Variants in LRCH1 observed in about 807,000 individuals in gnomAD.
The protein encoded by LRCH1 is leucine rich repeats and calponin homology domain containing 1.
Under a neutral mutation model 94.9 loss-of-function variants are expected in LRCH1, and 23 were observed. The observed-to-expected ratio is 0.24, with a 90% CI of 0.17 to 0.34. LRCH1 has a LOEUF of 0.34. Among genes scored for constraint, LRCH1 ranks in the 10% least tolerant of loss-of-function variants. The pLI is 1.00. For synonymous variants in LRCH1, 364 were observed against 354.9 expected, an observed-to-expected ratio of 1.03 and a Z score of -0.29; for missense variants, 790 against 945.9, an observed-to-expected ratio of 0.84 and a Z score of 2.16.
chr13:46,587,194 G>T (rs2050444831), intron 1 of LRCH1, among the ~76,000 whole-genome samples: 1 of 152,176 alleles, frequency 6.6e-6, no homozygotes. Flanking sequence ...ATTTCCATTA[G>T]CCCTGATTCT....
chr13:46,639,039 A>G (rs1052502260), intron 1 of LRCH1, among the ~76,000 whole-genome samples: 4 of 152,236 alleles, frequency 2.6e-5, no homozygotes, highest in African/African-American at 7.2e-5. Context: ...AATCCTGGAA[A>G]AAAACTTTCT....
rs2137884564 is a variant in LRCH1 at position 46,553,549 on chromosome 13, C to T, written c.153C>T (p.Gly51=). ...GCGGGGCGGGTGGTGGCGGCGGTGG[C>T]AGCGGGGGCTTCAACCTGCCCTTGA... is the stretch of plus-strand genomic sequence containing the variant. ...APGGAGGGGG[G]SGGFNLPLNR... Residue 51 remains glycine (G), a synonymous_variant, in exon 1 of 20, where the codon GGC becomes GGT. Coordinates refer to ENST00000389797, the MANE Select transcript of LRCH1 (RefSeq NM_001164211.2). 6.5e-7 allele frequency: 1 copy of T among 1,546,424 alleles called. No homozygotes were observed. The highest frequency in any genetic ancestry group is 8.7e-7 in the Non-Finnish European group (1 of 1,144,590).
rs1871355539 is a variant in LRCH1 at position 46,699,466 on chromosome 13, C to A, written c.1313+63C>A. The A allele has an allele frequency of 3.5e-6, 5 of 1,424,582 alleles. 1 individual carries two copies. Among genetic ancestry groups the A allele is most frequent in the South Asian group, 3.5e-5 (3 of 86,874 alleles). 88.2% of individuals were successfully genotyped at this position (1,424,582 alleles called of 1,614,324 possible). ...CAAATCCACTTTGCAAGCAGTCTGG[C>A]AGTTCTGTTGTGATAGAATTTTGAC... On this transcript the variant is annotated intron_variant, in intron 10 of 19. Transcript: ENST00000389797.
intron 1 of LRCH1, among the ~76,000 whole-genome samples, chr13:46,612,457 C>T (rs1458498352): frequency 1.3e-5 from 2 of 152,232 alleles, no homozygotes. Flanking sequence ...AATGCTGTGC[C>T]ACCTTGCCTA....
rs748667264 is a variant in LRCH1, at chr13:46,657,748, C to T, written c.452+7403C>T. ...TTTGCTATGTTGTCCAGGCTGGTTTCGAGCTCCTGGGCTCAAGTGATCTGC... is the reference window on the plus strand; with the variant it reads ...TTTGCTATGTTGTCCAGGCTGGTTTTGAGCTCCTGGGCTCAAGTGATCTGC... On this transcript the variant is annotated intron_variant, in intron 2 of 19. Transcript: ENST00000389797. Among the ~76,000 whole-genome samples, 17 of 124,778 alleles carry T rather than the reference C, an allele frequency of 1.4e-4. No homozygotes were observed. The South Asian group carries it at 2.1e-3, about 15-fold the overall frequency. 81.9% of individuals were successfully genotyped at this position (124,778 alleles called of 152,430 possible).
At chr13:46,561,501 G>A (rs1219419887) in intron 1 of LRCH1, among the ~76,000 whole-genome samples, 1 of 152,184 alleles carries the variant, frequency 6.6e-6, no homozygotes, top group African/African-American at 2.4e-5. Flanking sequence ...GCTTTTGACA[G>A]CTGACCCCTG....
chr13:46,664,885 C>T (rs1215858480), intron 2 of LRCH1, among the ~76,000 whole-genome samples: 1 of 152,008 alleles, frequency 6.6e-6, no homozygotes, highest in Non-Finnish European at 1.5e-5. Flanking sequence ...GTATTTGAAC[C>T]CAGGTCTTAA....
exon 19 of LRCH1, chr13:46,752,348 G>C (rs1447378124): frequency 6.6e-6 from 1 of 152,262 alleles, no homozygotes; most frequent in Non-Finnish European, 1.5e-5. Context: ...CAAAAGAAAA[G>C]ACACCACCAG....
At chr13:46,751,248 G>C (rs1477767367) in exon 19 of LRCH1, 4 of 151,756 alleles carry the variant, frequency 2.6e-5, no homozygotes, top group Non-Finnish European at 5.9e-5. Flanking sequence ...TATAAATGTT[G>C]AGTTATTTTC....
At chr13:46,561,734 A>G (rs2050132062) in intron 1 of LRCH1, among the ~76,000 whole-genome samples, 1 of 152,002 alleles carries the variant, frequency 6.6e-6, no homozygotes, top group African/African-American at 2.4e-5. Flanking sequence ...GATTGCCTTC[A>G]TTTTGCTTTT....
intron 1 of LRCH1, among the ~76,000 whole-genome samples, chr13:46,602,305 G>GCC (rs2050636595): frequency 6.6e-6 from 1 of 152,208 alleles, no homozygotes; most frequent in South Asian, 2.1e-4. Flanking sequence ...AAATTTAAGT[G>GCC]AGTTTCCTGG....
rs557225410 is a variant in LRCH1, at chr13:46,652,289, G to C, written c.452+1944G>C. ...GGCGGGGTTTCACCATGTTAGCCAG[G>C]ATGGTCTCGATCTCCTGACCTCGTG... On this transcript the variant is annotated intron_variant, in intron 2 of 19. Coordinates refer to ENST00000389797, the MANE Select transcript of LRCH1 (RefSeq NM_001164211.2). Among the ~76,000 whole-genome samples, 231 of 151,982 alleles carry C rather than the reference G, an allele frequency of 1.5e-3. 2 individuals carry two copies. Among genetic ancestry groups the C allele is most frequent in the Admixed American group, 5.1e-3 (78 of 15,272 alleles).
At chr13:46,716,546 G>A (rs1872332256) in intron 16 of LRCH1, among the ~76,000 whole-genome samples, 1 of 152,252 alleles carries the variant, frequency 6.6e-6, no homozygotes, top group Non-Finnish European at 1.5e-5. Context: ...TAGCCACAAT[G>A]CAAACACAAT....
intron 1 of LRCH1, among the ~76,000 whole-genome samples, chr13:46,623,841 C>A (rs1482211619): frequency 6.7e-6 from 1 of 149,400 alleles, no homozygotes; most frequent in African/African-American, 2.5e-5. Context: ...AGGTATGTCT[C>A]CTAATGCTAT....
intron 11 of LRCH1, among the ~76,000 whole-genome samples, chr13:46,704,022 A>T (rs1053872546): frequency 2.0e-5 from 3 of 152,134 alleles, no homozygotes; most frequent in Non-Finnish European, 4.4e-5. Flanking sequence ...ACTATGTTGT[A>T]AAATTTTATA....
chr13:46,644,726 G>C (rs561316882), intron 1 of LRCH1, among the ~76,000 whole-genome samples: 1 of 152,296 alleles, frequency 6.6e-6, no homozygotes, highest in South Asian at 2.1e-4. Context: ...GGACAGGGTG[G>C]TCTGCCTGTT....
intron 1 of LRCH1, among the ~76,000 whole-genome samples, chr13:46,613,673 T>C (rs2050772821): frequency 6.6e-6 from 1 of 152,226 alleles, no homozygotes; most frequent in Non-Finnish European, 1.5e-5. Flanking sequence ...TCTGATTTAA[T>C]TGGTGTGTTG....
At chr13:46,561,999 G>A (rs1223633587) in intron 1 of LRCH1, among the ~76,000 whole-genome samples, 1 of 152,192 alleles carries the variant, frequency 6.6e-6, no homozygotes, top group East Asian at 1.9e-4. Flanking sequence ...TGGCCTGTGA[G>A]ATTTGGCTAG....
chr13:46,593,426 G>A (rs552686372), intron 1 of LRCH1, among the ~76,000 whole-genome samples: 6 of 151,528 alleles, frequency 4.0e-5, no homozygotes, highest in Non-Finnish European at 5.9e-5. Flanking sequence ...TGATTCGGTC[G>A]TGCTGGAGAA....
Sources: allele counts gnomAD v4.1 joint callset (sites outside exome capture counted in the v4.1 genomes callset), GRCh38; gene constraint gnomAD v4.1.1; transcripts MANE v1.5; gene names NCBI Gene and HGNC (gene_info 2026-07-23, HGNC 2026-07-21).